KIAA1217: variants seen among roughly 807,000 people sequenced by gnomAD.
The protein encoded by KIAA1217 is sickle tail protein homolog.
In KIAA1217, 88 loss-of-function variants were observed where a neutral mutation model predicts 163.9. That is an observed-to-expected ratio of 0.54 (90% CI 0.45 to 0.64). The LOEUF (loss-of-function observed/expected upper bound fraction) is 0.64, where lower values mean the gene tolerates loss of function less well. KIAA1217 is among the 30% of genes least tolerant of loss of function. The pLI, the probability that KIAA1217 is intolerant of heterozygous loss-of-function variation, is 0.00. For missense variants in KIAA1217, 2,372 were observed against 2,475.0 expected (o/e 0.96, Z 0.88); for synonymous variants, 903 against 923.1 (o/e 0.98, Z 0.39).
intron 1 of KIAA1217, among the ~76,000 whole-genome samples, chr10:23,784,696 GA>G (rs1003201369): frequency 6.6e-6 from 1 of 152,046 alleles, no homozygotes; most frequent in Non-Finnish European, 1.5e-5. Flanking sequence ...ATTTCAAGTT[GA>G]TAATGTCTTA....
intron 1 of KIAA1217, among the ~76,000 whole-genome samples, chr10:24,213,507 C>G (rs944050032): frequency 6.6e-6 from 1 of 152,250 alleles, no homozygotes; most frequent in South Asian, 2.1e-4. Flanking sequence ...ACCCTTATCC[C>G]GTTTCATTCT....
At chr10:23,863,025 C>T (rs746083178) in intron 1 of KIAA1217, among the ~76,000 whole-genome samples, 2 of 152,214 alleles carry the variant, frequency 1.3e-5, no homozygotes, top group African/African-American at 4.8e-5. Context: ...CCCTTAATAC[C>T]TTTGACATTA....
At chr10:24,493,125 C>T (rs1054054825) in intron 6 of KIAA1217, among the ~76,000 whole-genome samples, 3 of 152,210 alleles carry the variant, frequency 2.0e-5, no homozygotes, top group African/African-American at 7.2e-5. Context: ...GAATTACAGG[C>T]AGGAGCCACC....
At chr10:23,727,496 G>A (rs1189224274) in intron 1 of KIAA1217, among the ~76,000 whole-genome samples, 3 of 151,918 alleles carry the variant, frequency 2.0e-5, no homozygotes, top group South Asian at 2.1e-4. Context: ...GGAGGTGGAG[G>A]TTGCAGTGAG....
intron 5 of KIAA1217, among the ~76,000 whole-genome samples, chr10:24,458,328 G>A (rs968806755): frequency 1.3e-5 from 2 of 152,166 alleles, no homozygotes; most frequent in African/African-American, 2.4e-5. Context: ...TGTGGGGCTC[G>A]TGAGTACCCT....
At chr10:23,719,667 C>G (rs1837759591) in intron 1 of KIAA1217, among the ~76,000 whole-genome samples, 2 of 151,646 alleles carry the variant, frequency 1.3e-5, no homozygotes, top group South Asian at 4.2e-4. Context: ...ACCTGTAATC[C>G]CAGCACTTTG....
chr10:23,944,109 C>T (rs1262708032), intron 1 of KIAA1217, among the ~76,000 whole-genome samples: 1 of 152,062 alleles, frequency 6.6e-6, no homozygotes, highest in Non-Finnish European at 1.5e-5. Context: ...AACTTCTCAT[C>T]AAAAGATAAT....
At chr10:23,946,074 A>G (rs1844027066) in intron 1 of KIAA1217, among the ~76,000 whole-genome samples, 2 of 152,138 alleles carry the variant, frequency 1.3e-5, no homozygotes, top group Admixed American at 6.5e-5. Flanking sequence ...GGTTTTTGCC[A>G]TTAATAGTTA....
At chr10:24,074,802 G>A (rs765531794) in intron 2 of KIAA1217, among the ~76,000 whole-genome samples, 5 of 149,716 alleles carry the variant, frequency 3.3e-5, no homozygotes, top group Non-Finnish European at 5.9e-5. Context: ...CCGGGATCAA[G>A]TGATCCCCCA....
At chr10:24,368,764 A>G in intron 2 of KIAA1217, 2 of 770,490 alleles carry the variant, frequency 2.6e-6, no homozygotes, top group Non-Finnish European at 3.1e-6. Flanking sequence ...ATAGGATCCC[A>G]GAAGCTACGG....
chr10:24,064,567 A>G (rs2060862174), intron 2 of KIAA1217, among the ~76,000 whole-genome samples: 2 of 152,184 alleles, frequency 1.3e-5, no homozygotes, highest in Non-Finnish European at 2.9e-5. Context: ...GGATTTTTGC[A>G]TCAATGTTCA....
rs143260666 is a variant in KIAA1217, at chr10:24,404,306, T to C, written c.553+23239T>C. 6.6e-5 allele frequency among the ~76,000 whole-genome samples: 10 copies of C among 152,210 alleles called. No individual in the cohort carries two copies. In the East Asian group the frequency reaches 9.7e-4, roughly 15 times the overall value. On this transcript the variant is annotated intron_variant, in intron 3 of 20. Transcript: ENST00000376454. ...AAAGTGGGCCGGGTGCGGTGGCTTATGCCTGTAATCTCAGCACTCTGGGAG... is the reference window on the plus strand; with the variant it reads ...AAAGTGGGCCGGGTGCGGTGGCTTACGCCTGTAATCTCAGCACTCTGGGAG...
chr10:24,469,276 A>T (rs985597869), intron 5 of KIAA1217, among the ~76,000 whole-genome samples: 2 of 151,512 alleles, frequency 1.3e-5, no homozygotes, highest in East Asian at 3.9e-4. Flanking sequence ...AGGCGCATGC[A>T]CTGCGCCTGG....
At chr10:24,365,476 C>T (rs541716007) in intron 2 of KIAA1217, among the ~76,000 whole-genome samples, 1 of 152,176 alleles carries the variant, frequency 6.6e-6, no homozygotes, top group Non-Finnish European at 1.5e-5. Flanking sequence ...ATTTACCATG[C>T]ATCTGCAGGG....
Position 24,229,851 on chromosome 10 carries a change from A to G in KIAA1217, c.354+9942A>G, listed in dbSNP as rs868498602. ...ACCTAAACTTTTGGGAGGAAAGGAC[A>G]TAAATTTTTTAGCAATTAAGAAATC... is the stretch of plus-strand genomic sequence containing the variant. On this transcript the variant is annotated intron_variant, in intron 2 of 20. Transcript: ENST00000376454. Among the ~76,000 whole-genome samples the G allele has an allele frequency of 2.6e-5, 4 of 152,278 alleles. No individual in the cohort carries two copies. The South Asian group carries it at 6.2e-4, about 24-fold the overall frequency.
At chr10:24,003,119 G>C (rs1846826390) in intron 1 of KIAA1217, among the ~76,000 whole-genome samples, 1 of 152,174 alleles carries the variant, frequency 6.6e-6, no homozygotes, top group Non-Finnish European at 1.5e-5. Flanking sequence ...ACATGTGCAT[G>C]CAAGTGTTTT....
rs571037472 is a variant in KIAA1217 at position 23,910,295 on chromosome 10, TAAAAAAAAAA to T, written c.-320-96929_-320-96920del. 5.0e-5 allele frequency among the ~76,000 whole-genome samples: 7 copies of T among 141,064 alleles called. No individual in the cohort carries two copies. The East Asian group carries it at 1.4e-3, about 29-fold the overall frequency. 92.5% of individuals were successfully genotyped at this position (141,064 alleles called of 152,430 possible). On this transcript the variant is annotated intron_variant, in intron 1 of 18. Coordinates refer to the KIAA1217 transcript ENST00000376462. ...CACGTGTACCCCAGAACTTAAAGTA[TAAAAAAAAAA>T]GAAAAGAAAAGAAAGCTAAGGGAAA...
At chr10:24,074,495 A>G (rs1369481619) in intron 2 of KIAA1217, among the ~76,000 whole-genome samples, 1 of 152,026 alleles carries the variant, frequency 6.6e-6, no homozygotes, top group East Asian at 1.9e-4. Flanking sequence ...TTCTCTTCAT[A>G]TGGTTCTCCT....
chr10:24,533,708 G>A (rs915280494), intron 16 of KIAA1217, among the ~76,000 whole-genome samples: 8 of 152,152 alleles, frequency 5.3e-5, no homozygotes, highest in African/African-American at 1.7e-4. Flanking sequence ...CCAGGTCCCT[G>A]TTCAATATCA....
Sources: gnomAD v4.1 joint callset for allele counts (sites outside exome capture counted in the v4.1 genomes callset) on GRCh38, gnomAD v4.1.1 for gene constraint, MANE v1.5 for transcripts, NCBI Gene and HGNC (gene_info 2026-07-23, HGNC 2026-07-21) for gene names.